The following RAB3C variants were observed in gnomAD, a reference collection of about 807,000 sequenced individuals.
RAB3C encodes the protein ras-related protein Rab-3C.
A neutral mutation model predicts 26.4 loss-of-function variants in RAB3C; 17 were observed. The ratio of observed to expected loss-of-function variants is 0.64; its 90% CI spans 0.44 to 0.97. The LOEUF (loss-of-function observed/expected upper bound fraction) is 0.97. Ranked by LOEUF, RAB3C falls within the 50% of genes least tolerant of loss-of-function variation. The pLI, the probability that RAB3C is intolerant of heterozygous loss-of-function variation, is 0.00. For missense variants in RAB3C, 242 were observed against 281.9 expected, an observed-to-expected ratio of 0.86 and a Z score of 1.01; for synonymous variants, 91 against 95.9, an observed-to-expected ratio of 0.95 and a Z score of 0.30.
At chr5:58,677,976 TTGTGTGTGTG>T (rs70973149) in intron 2 of RAB3C, among the ~76,000 whole-genome samples, 2 of 147,782 alleles carry the variant, frequency 1.4e-5, no homozygotes, top group Non-Finnish European at 1.5e-5. Context: ...CTAGATTATT[TTGTGTGTGTG>T]TGTGTGTGTG....
chr5:58,847,499 A>G (rs548079398), intron 4 of RAB3C, among the ~76,000 whole-genome samples: 33 of 152,340 alleles, frequency 2.2e-4, no homozygotes, highest in African/African-American at 7.9e-4. Flanking sequence ...ATCTCAAAAT[A>G]CAGAGATACT....
chr5:58,657,006 T>A (rs1278620091), intron 2 of RAB3C, among the ~76,000 whole-genome samples: 11 of 134,262 alleles, frequency 8.2e-5, no homozygotes. Flanking sequence ...AAGCAACTAG[T>A]GGATAAAGAA....
intron 2 of RAB3C, among the ~76,000 whole-genome samples, chr5:58,693,563 A>G (rs555792992): frequency 2.0e-4 from 30 of 152,192 alleles, no homozygotes; most frequent in African/African-American, 5.8e-4. Flanking sequence ...ATTAAAATAG[A>G]TATTAATTCA....
chr5:58,845,080 G>A (rs1455823367), intron 4 of RAB3C, among the ~76,000 whole-genome samples: 1 of 152,200 alleles, frequency 6.6e-6, no homozygotes, highest in African/African-American at 2.4e-5. Context: ...ACACAATGCA[G>A]TCACATGTGG....
At chr5:58,759,335 A>AC (rs1332570616) in intron 3 of RAB3C, among the ~76,000 whole-genome samples, 4 of 152,128 alleles carry the variant, frequency 2.6e-5, no homozygotes, top group Non-Finnish European at 4.4e-5. Flanking sequence ...TTAGCCAGAG[A>AC]CCCCAAGCTG....
At chr5:58,761,063 T>TCTCACACACACACA (rs370091627) in intron 3 of RAB3C, among the ~76,000 whole-genome samples, 13 of 144,820 alleles carry the variant, frequency 9.0e-5, no homozygotes, top group East Asian at 6.1e-4. Flanking sequence ...TCTCTCTCTC[T>TCTCACACACACACA]CACACACACA....
At chr5:58,620,543 A>G (rs1746913551) in intron 2 of RAB3C, among the ~76,000 whole-genome samples, 1 of 152,244 alleles carries the variant, frequency 6.6e-6, no homozygotes, top group Non-Finnish European at 1.5e-5. Context: ...ATGCATAGCT[A>G]GCATTTATTG....
intron 3 of RAB3C, among the ~76,000 whole-genome samples, chr5:58,796,073 G>C (rs1308046043): frequency 6.6e-6 from 1 of 152,194 alleles, no homozygotes; most frequent in African/African-American, 2.4e-5. Flanking sequence ...TTTCCCAACA[G>C]ATGACCTTTC....
intron 3 of RAB3C, among the ~76,000 whole-genome samples, chr5:58,812,379 A>T (rs1017598905): frequency 6.6e-6 from 1 of 151,996 alleles, no homozygotes; most frequent in South Asian, 2.1e-4. Flanking sequence ...CCCACCCCAG[A>T]CCTCCTGAAT....
At position 58,859,316 on chromosome 5, in the gene RAB3C, A is replaced by C. The variant is rs2459404; in HGVS notation, c.*7965A>C. On this transcript the variant is annotated 3_prime_UTR_variant, in exon 5 of 5. Transcript: ENST00000282878. ...ATTCAGTTTGTATGTGAATTCTATA[A>C]AGAAAGTGGTTTTTGTTCTTTGAGT... 1 of 152,134 alleles carries C rather than the reference A, an allele frequency of 6.6e-6. No homozygotes were observed. Among genetic ancestry groups the C allele is most frequent in the South Asian group, 2.1e-4 (1 of 4,836 alleles). The allele number at this position is 152,134 out of a possible 1,614,324, so 9.4% of individuals were successfully genotyped here.
intron 1 of RAB3C, among the ~76,000 whole-genome samples, chr5:58,593,869 T>C (rs1245302580): frequency 2.0e-5 from 3 of 152,178 alleles, no homozygotes; most frequent in African/African-American, 7.2e-5. Flanking sequence ...CTTGCTGTAC[T>C]CTCCAGCAAG....
Position 58,589,515 on chromosome 5 carries a change from A to G in RAB3C, c.24+6283A>G, listed in dbSNP as rs1746083547. On this transcript the variant is annotated intron_variant, in intron 1 of 4. Transcript: ENST00000282878. ...GTTTGTTAAATGTCTACTAGAGTTC[A>G]CCATGAAGCCAGCGGAGCCTGGAGT... 2.0e-5 allele frequency among the ~76,000 whole-genome samples: 3 copies of G among 152,200 alleles called. No homozygotes were observed. In the South Asian group the frequency reaches 6.2e-4, roughly 31 times the overall value.
intron 4 of RAB3C, among the ~76,000 whole-genome samples, chr5:58,849,758 A>G (rs1290849588): frequency 1.3e-5 from 2 of 152,372 alleles, no homozygotes; most frequent in East Asian, 1.9e-4. Context: ...ACCAAATAGT[A>G]TAACGACTAA....
chr5:58,604,373 A>G lies in RAB3C; in HGVS notation c.25-13270A>G, dbSNP rs896007733. Among the ~76,000 whole-genome samples, 7 of 152,174 alleles carry G rather than the reference A, an allele frequency of 4.6e-5. 1 individual carries two copies. Among genetic ancestry groups the G allele is most frequent in the Admixed American group, 2.6e-4 (4 of 15,276 alleles). The stretch of plus-strand genomic sequence containing the variant: ...GGTAGGCGGGGCCTTAGACCTCCCA[A>G]GATTATATGCCCTTTGTCTTCCACT... On this transcript the variant is annotated intron_variant, in intron 1 of 4. Coordinates refer to ENST00000282878, the MANE Select transcript of RAB3C (RefSeq NM_138453.4).
At chr5:58,659,656 C>T (rs377379294) in intron 2 of RAB3C, among the ~76,000 whole-genome samples, 1 of 152,146 alleles carries the variant, frequency 6.6e-6, no homozygotes, top group Non-Finnish European at 1.5e-5. Flanking sequence ...TTCATTTCCC[C>T]CACTGATTTT....
chr5:58,815,113 AG>A (rs1294438883), intron 3 of RAB3C, among the ~76,000 whole-genome samples: 1 of 152,128 alleles, frequency 6.6e-6, no homozygotes, highest in African/African-American at 2.4e-5. Context: ...TGGTTTTTCC[AG>A]GAGATATATT....
intron 2 of RAB3C, among the ~76,000 whole-genome samples, chr5:58,647,885 C>T (rs1304347718): frequency 6.6e-6 from 1 of 152,198 alleles, no homozygotes; most frequent in Non-Finnish European, 1.5e-5. Context: ...CTTTGACACT[C>T]TTGTTCTCTT....
chr5:58,768,539 AAAGGAGTACAGCCC>A (rs1015626446), intron 3 of RAB3C, among the ~76,000 whole-genome samples: 5 of 152,282 alleles, frequency 3.3e-5, no homozygotes, highest in African/African-American at 9.6e-5. Flanking sequence ...AAGGCTGAAT[AAAGGAGTACAGCCC>A]AAGGACTATT....
chr5:58,737,626 T>G (rs1741179412), intron 3 of RAB3C, among the ~76,000 whole-genome samples: 1 of 151,738 alleles, frequency 6.6e-6, no homozygotes, highest in Non-Finnish European at 1.5e-5. Flanking sequence ...AATGACAGAA[T>G]GAGAATTATA....
Sources: gnomAD v4.1 joint callset for allele counts (sites outside exome capture counted in the v4.1 genomes callset) on GRCh38, gnomAD v4.1.1 for gene constraint, MANE v1.5 for transcripts, NCBI Gene and HGNC (gene_info 2026-07-23, HGNC 2026-07-21) for gene names.